The following OLFM4 variants were observed in gnomAD, a reference collection of about 807,000 sequenced individuals.
OLFM4 encodes olfactomedin 4, also known as olfactomedin-4.
A neutral mutation model predicts 25.5 loss-of-function variants in OLFM4; 22 were observed. The ratio of observed to expected loss-of-function variants is 0.86; its 90% confidence interval spans 0.62 to 1.23. OLFM4 has a LOEUF of 1.23. OLFM4 is among the 50% of genes most tolerant of loss of function. The pLI is 0.00. For missense variants in OLFM4, 594 were observed against 619.4 expected (o/e 0.96, Z 0.44); for synonymous variants, 255 against 237.7 (o/e 1.07, Z -0.67).
At position 53,028,926 on chromosome 13, in the gene OLFM4, C is replaced by A. The variant is rs773928834; in HGVS notation, c.90C>A (p.Pro30=). ...TGGGGGATGTGGGACCTCCAATTCC[C>A]AGCCCCGGCTTCAGCTCTTTCCCAG... is the stretch of plus-strand genomic sequence containing the variant. ...GDLGDVGPPI[P]SPGFSSFPGV... The change falls in exon 1 of 5, where the codon CCC becomes CCA. Residue 30 remains proline (P), a synonymous_variant. Transcript: ENST00000219022. 1.5e-5 allele frequency: 25 copies of A among 1,614,132 alleles called. No homozygotes were observed. The highest frequency in any genetic ancestry group is 1.9e-5 in the Non-Finnish European group (22 of 1,180,052).
At chr13:53,040,775 G>T (rs146352012) in intron 2 of OLFM4, among the ~76,000 whole-genome samples, 2 of 152,314 alleles carry the variant, frequency 1.3e-5, no homozygotes, top group South Asian at 2.1e-4. Context: ...TAGAGTAAGT[G>T]TGTTGAAGGG....
chr13:53,041,712 T>C (rs549108908), intron 2 of OLFM4, among the ~76,000 whole-genome samples, 198 bp from the exon 3 acceptor site: 1 of 152,354 alleles, frequency 6.6e-6, no homozygotes, highest in African/African-American at 2.4e-5. Flanking sequence ...AAAATCTACC[T>C]CCCTTCAATT....
At position 53,028,865 on chromosome 13, in the gene OLFM4, C is replaced by G. The variant is rs766736284; in HGVS notation, c.29C>G (p.Ala10Gly). The G allele has an allele frequency of 6.2e-7, 1 of 1,614,204 alleles. No individual in the cohort carries two copies. The highest frequency in any genetic ancestry group is 1.1e-5 in the South Asian group (1 of 91,078). Residue 10 changes from alanine (A) to glycine (G), a missense_variant, in exon 1 of 5, where the codon GCC becomes GGC. Transcript: ENST00000219022. ...AGGCCCGGCCTCTCATTTCTCCTAG[C>G]CCTTCTGTTCTTCCTTGGCCAAGCT... Reference protein sequence around the residue: MRPGLSFLLALLFFLGQAAG... With the variant: MRPGLSFLLGLLFFLGQAAG...
chr13:53,031,899 C>T (rs1388658094), intron 1 of OLFM4, among the ~76,000 whole-genome samples: 3 of 152,196 alleles, frequency 2.0e-5, no homozygotes. Flanking sequence ...GTCTCCCATC[C>T]CCCATGCTTC....
rs1954745072 is a variant in OLFM4 at position 53,050,909 on chromosome 13, A to C, written c.*138A>C. ...TAGGTGCATAGTTCTACCACACTAG[A>C]GATCTAGGACATTTGTCTTGATTTG... is the stretch of plus-strand genomic sequence containing the variant. On this transcript the variant is annotated 3_prime_UTR_variant, in exon 5 of 5. Transcript: ENST00000219022. 1 of 694,844 alleles carries C rather than the reference A, an allele frequency of 1.4e-6. No individual in the cohort carries two copies. The highest frequency in any genetic ancestry group is 2.3e-6 in the Non-Finnish European group (1 of 428,310). The allele number at this position is 694,844 out of a possible 1,614,324, so 43.0% of individuals were successfully genotyped here. A position where few individuals can be genotyped will look rare whatever the true frequency, so the allele number is the denominator to read the frequency against.
intron 2 of OLFM4, among the ~76,000 whole-genome samples, chr13:53,036,471 T>G (rs757899126): frequency 6.6e-6 from 1 of 152,154 alleles, no homozygotes; most frequent in African/African-American, 2.4e-5. Flanking sequence ...AGGGAGAGTA[T>G]GTGGCTTGCC....
chr13:53,039,781 T>A (rs1593479745), intron 2 of OLFM4, among the ~76,000 whole-genome samples: 2 of 152,294 alleles, frequency 1.3e-5, no homozygotes, highest in African/African-American at 4.8e-5. Context: ...ATCCTCCGAG[T>A]TATGGTACAT....
chr13:53,048,437 G>T (rs754839374), intron 4 of OLFM4, among the ~76,000 whole-genome samples: 47 of 152,248 alleles, frequency 3.1e-4, no homozygotes, highest in South Asian at 2.3e-3. Flanking sequence ...GAGCATTTAA[G>T]GAGCATATAT....
In OLFM4 at chr13:53,043,111, A is replaced by G; in HGVS notation, c.577A>G (p.Asn193Asp). The G allele has an allele frequency of 6.3e-7, 1 of 1,591,886 alleles. No homozygotes were observed. The highest frequency in any genetic ancestry group is 8.5e-7 in the Non-Finnish European group (1 of 1,173,030). The change falls in exon 4 of 5, where the codon AAT becomes GAT. Residue 193 changes from asparagine to aspartate, a missense_variant. By Grantham distance (23) the Asn-to-Asp change is conservative. Coordinates refer to ENST00000219022, the MANE Select transcript of OLFM4 (RefSeq NM_006418.5). ...TGAATTTTTATTTCCTTAGATAAGA[A>G]ATATGACTCTCTTGGTAGAGAAGCT... ...IVDQLEVEIRNMTLLVEKLET... is the reference protein window; with the variant it reads ...IVDQLEVEIRDMTLLVEKLET...
chr13:53,043,367 GGTT>G (rs200146318), intron 4 of OLFM4, 103 bp downstream of exon 4: 69,342 of 762,288 alleles, frequency 0.091, 3,481 homozygotes, highest in African/African-American at 0.21. Flanking sequence ...GAAGAAGGTG[GGTT>G]GTTTTTTTTT....
At chr13:53,046,253 T>C (rs913813537) in intron 4 of OLFM4, among the ~76,000 whole-genome samples, 6 of 152,218 alleles carry the variant, frequency 3.9e-5, no homozygotes. Flanking sequence ...AGACTAATTT[T>C]CCTCTGTAGG....
chr13:53,046,821 C>G (rs1055859680), intron 4 of OLFM4, among the ~76,000 whole-genome samples: 4 of 152,164 alleles, frequency 2.6e-5, no homozygotes, highest in African/African-American at 9.7e-5. Context: ...CATGAGGAAA[C>G]TGAGGCTCAG....
chr13:53,050,507 C>G lies in OLFM4; in HGVS notation c.1269C>G (p.Thr423=). 2.5e-6 allele frequency: 4 copies of G among 1,613,968 alleles called. No individual in the cohort carries two copies. Among genetic ancestry groups the G allele is most frequent in the Non-Finnish European group, 3.4e-6 (4 of 1,179,942 alleles). ...TTLQVLNTWY[T]KQYKPSASNA... is the part of the protein sequence containing the mutation. ...TTCAGGTGCTAAACACTTGGTATACCAAGCAGTATAAACCATCTGCTTCTA... is the reference window on the plus strand; with the variant it reads ...TTCAGGTGCTAAACACTTGGTATACGAAGCAGTATAAACCATCTGCTTCTA... The change falls in exon 5 of 5, where the codon ACC becomes ACG. Residue 423 remains threonine, a synonymous_variant. Coordinates refer to ENST00000219022, the MANE Select transcript of OLFM4 (RefSeq NM_006418.5).
chr13:53,035,295 T>A (rs140810873), intron 2 of OLFM4, among the ~76,000 whole-genome samples: 239 of 151,344 alleles, frequency 1.6e-3, no homozygotes, highest in African/African-American at 5.7e-3. Flanking sequence ...AAATCCAAGG[T>A]TGTAGTCTCT....
intron 4 of OLFM4, among the ~76,000 whole-genome samples, chr13:53,043,558 T>A (rs1954700035): frequency 6.6e-6 from 1 of 151,972 alleles, no homozygotes; most frequent in African/African-American, 2.4e-5. Context: ...GGAACAAAAA[T>A]CTCTATGGTG....
At chr13:53,049,878 A>G in intron 4 of OLFM4, 91 bp from the exon 5 acceptor site, 2 of 1,332,044 alleles carry the variant, frequency 1.5e-6, no homozygotes, top group East Asian at 4.6e-5. Context: ...AAAAATATTT[A>G]TAGATTCCTT....
At position 53,045,667 on chromosome 13, in the gene OLFM4, C is replaced by A. The variant is rs949243103; in HGVS notation, c.730+2403C>A. On this transcript the variant is annotated intron_variant, in intron 4 of 4. Transcript: ENST00000219022. ...AAGTCTCAGCTCTAAAGTAACTCTG[C>A]GCTCTCTGGGCCCCCTCCCTTATAG... Among the ~76,000 whole-genome samples the A allele has an allele frequency of 2.6e-5, 4 of 152,124 alleles. No homozygotes were observed. The South Asian group carries it at 6.2e-4, about 24-fold the overall frequency.
intron 1 of OLFM4, among the ~76,000 whole-genome samples, chr13:53,033,394 C>T (rs1252593671): frequency 6.6e-6 from 1 of 152,146 alleles, no homozygotes; most frequent in African/African-American, 2.4e-5. Context: ...TTTGCAATTT[C>T]CCAGGCGATG....
intron 4 of OLFM4, among the ~76,000 whole-genome samples, 169 bp from the exon 5 acceptor site, chr13:53,049,800 T>A (rs865868877): frequency 5.9e-5 from 9 of 152,310 alleles, no homozygotes; most frequent in Non-Finnish European, 1.0e-4. Flanking sequence ...TGAGACTGAA[T>A]GCACTGAACT....
Sources: gnomAD v4.1 joint callset for allele counts (sites outside exome capture counted in the v4.1 genomes callset) on GRCh38, gnomAD v4.1.1 for gene constraint, MANE v1.5 for transcripts, NCBI Gene and HGNC (gene_info 2026-07-23, HGNC 2026-07-21) for gene names.